Variants in GALC observed in about 807,000 individuals in gnomAD.
GALC encodes galactocerebrosidase.
Under a neutral mutation model 91.8 loss-of-function variants are expected in GALC, and 77 were observed. The ratio of observed to expected loss-of-function variants is 0.84; its 90% confidence interval spans 0.70 to 1.01. The LOEUF (loss-of-function observed/expected upper bound fraction) is 1.01, where lower values mean the gene tolerates loss of function less well. GALC is among the 50% of genes least tolerant of loss of function. The pLI, the probability that GALC is intolerant of heterozygous loss-of-function variation, is 0.00. For synonymous variants in GALC, 357 were observed against 306.7 expected (o/e 1.16, Z -1.71); for missense variants, 882 against 855.9 (o/e 1.03, Z -0.38).
chr14:87,972,858 A>C (rs1886352276), intron 7 of GALC, among the ~76,000 whole-genome samples: 1 of 152,122 alleles, frequency 6.6e-6, no homozygotes. Context: ...AAAGTAATGG[A>C]GTGGAATAAT....
intron 5 of GALC, among the ~76,000 whole-genome samples, chr14:87,983,115 G>A (rs113583666): frequency 0.1 from 15,510 of 151,998 alleles, 1,000 homozygotes; most frequent in Non-Finnish European, 0.15. Context: ...CGAGGCGGGC[G>A]GATCACGAGG....
chr14:87,992,805 C>T, intron 1 of GALC, 165 bp downstream of exon 1: 3 of 1,408,102 alleles, frequency 2.1e-6, no homozygotes, highest in Non-Finnish European at 2.8e-6. Context: ...CCGCCCCAGC[C>T]CCGCAGCGGG....
At chr14:87,977,645 A>G (rs1291774113) in intron 6 of GALC, among the ~76,000 whole-genome samples, 1 of 152,220 alleles carries the variant, frequency 6.6e-6, no homozygotes, top group Middle Eastern at 3.2e-3. Flanking sequence ...AATCTCTGGC[A>G]CATAGCAGCA....
chr14:87,984,703 TC>T (rs374632700), intron 4 of GALC, among the ~76,000 whole-genome samples, 170 bp from the exon 5 acceptor site: 9 of 152,336 alleles, frequency 5.9e-5, no homozygotes, highest in Admixed American at 2.0e-4. Flanking sequence ...TCCTTTCCAA[TC>T]TATAGACACT....
intron 8 of GALC, among the ~76,000 whole-genome samples, chr14:87,966,777 C>A (rs553019867): frequency 1.3e-5 from 2 of 152,054 alleles, no homozygotes; most frequent in Non-Finnish European, 2.9e-5. Context: ...AAGAATACAG[C>A]CTAAGAAAAT....
chr14:87,934,349 T>C lies in GALC; in HGVS notation c.*383A>G. 7.9e-7 allele frequency: 1 copy of C among 1,268,086 alleles called. No homozygotes were observed. Among genetic ancestry groups the C allele is most frequent in the Non-Finnish European group, 1.0e-6 (1 of 998,292 alleles). The allele number at this position is 1,268,086 out of a possible 1,614,324, so 78.6% of individuals were successfully genotyped here. ...CACTTGGACACACGGTCAGCATGCA[T>C]AAATACATCTCAGTGATGATCAAGT... On this transcript the variant is annotated 3_prime_UTR_variant, in exon 17 of 17. Coordinates refer to ENST00000261304, the MANE Select transcript of GALC (RefSeq NM_000153.4).
rs530360448 is a variant in GALC, at chr14:87,954,934, C to T, written c.1162-4186G>A. The T allele has an allele frequency of 6.6e-6, 10 of 1,516,086 alleles. No individual in the cohort carries two copies. In the South Asian group the frequency reaches 9.0e-5, roughly 14 times the overall value. 93.9% of individuals were successfully genotyped at this position (1,516,086 alleles called of 1,614,324 possible). On this transcript the variant is annotated intron_variant, in intron 10 of 16. Coordinates refer to ENST00000261304, the MANE Select transcript of GALC (RefSeq NM_000153.4). ...TGATGGAAGACATGATGTTTACATC[C>T]GTGTAGACTCAAAGCTGATAGAGAA... is the stretch of plus-strand genomic sequence containing the variant.
intron 12 of GALC, among the ~76,000 whole-genome samples, chr14:87,948,578 A>G (rs1187923057): frequency 2.0e-5 from 3 of 151,298 alleles, no homozygotes; most frequent in African/African-American, 7.3e-5. Context: ...CTCTGAAGAC[A>G]CTGGAATCCT....
In GALC at chr14:87,941,720, T is replaced by C. The variant is rs381069; in HGVS notation, c.1671-162A>G. On this transcript the variant is annotated intron_variant, in intron 14 of 16. Transcript: ENST00000261304. ...CAGAGATGGGCTTCAAGAATCTTTA[T>C]TGACAACAGTTTTAAATGTTACATG... Among the ~76,000 whole-genome samples, 69,251 of 151,824 alleles carry C rather than the reference T, an allele frequency of 0.46. 16,140 individuals carry two copies. The highest frequency in any genetic ancestry group is 0.48 in the African/African-American group (19,771 of 41,428).
At chr14:87,953,904 G>T in intron 10 of GALC, 1 of 1,610,236 alleles carries the variant, frequency 6.2e-7, no homozygotes, top group Non-Finnish European at 8.5e-7. Flanking sequence ...AGTGCCTTTA[G>T]CAACAGTTAC....
chr14:87,992,469 C>G, intron 1 of GALC: 1 of 1,532,276 alleles, frequency 6.5e-7, no homozygotes, highest in East Asian at 2.5e-5. Context: ...TTACCCTGCA[C>G]TAACAACTGC....
chr14:87,953,132 G>A, intron 10 of GALC: 1 of 1,486,534 alleles, frequency 6.7e-7, no homozygotes, highest in Non-Finnish European at 9.3e-7. Flanking sequence ...TATTTTCCTT[G>A]AACACAGTAG....
chr14:87,972,289 T>C (rs894712585), intron 7 of GALC, among the ~76,000 whole-genome samples: 2 of 152,148 alleles, frequency 1.3e-5, no homozygotes, highest in Non-Finnish European at 2.9e-5. Context: ...ACAGCTACTA[T>C]AGGATGCCAT....
intron 15 of GALC, among the ~76,000 whole-genome samples, 193 bp downstream of exon 15, chr14:87,941,202 T>A (rs1023332288): frequency 6.6e-6 from 1 of 151,856 alleles, no homozygotes; most frequent in Non-Finnish European, 1.5e-5. Context: ...TCCACAGAGC[T>A]GCCCCCATCT....
intron 1 of GALC, chr14:87,992,344 G>A (rs1242932573): frequency 1.3e-6 from 2 of 1,535,738 alleles, no homozygotes; most frequent in Non-Finnish European, 1.7e-6. Flanking sequence ...CCCAGAGGGA[G>A]TACCCGGTAG....
At chr14:87,960,630 T>C (rs1197815855) in intron 10 of GALC, among the ~76,000 whole-genome samples, 3 of 152,176 alleles carry the variant, frequency 2.0e-5, no homozygotes, top group Admixed American at 6.5e-5. Flanking sequence ...AGGACAGATA[T>C]ATAAGTCAAC....
chr14:87,958,191 T>C (rs1180770637), intron 10 of GALC, among the ~76,000 whole-genome samples: 1 of 152,066 alleles, frequency 6.6e-6, no homozygotes, highest in Non-Finnish European at 1.5e-5. Context: ...AATGTCCTAT[T>C]GAGTTCGCAG....
At position 87,977,433 on chromosome 14, in the gene GALC, G is replaced by A. The variant is rs72629379; in HGVS notation, c.622-945C>T. Among the ~76,000 whole-genome samples the A allele has an allele frequency of 8.2e-3, 1,245 of 152,152 alleles. 56 individuals are homozygous for A. The East Asian group carries it at 0.12, about 15-fold the overall frequency. On this transcript the variant is annotated intron_variant, in intron 6 of 16. Coordinates refer to ENST00000261304, the MANE Select transcript of GALC (RefSeq NM_000153.4). ...CCTTAGGTGGCAAACACACTCAACA[G>A]GACACCAAAACTAACAGGGCATACT... is the stretch of plus-strand genomic sequence containing the variant.
At chr14:87,939,756 AG>A in intron 16 of GALC, 148 bp downstream of exon 16, 1 of 698,976 alleles carries the variant, frequency 1.4e-6, no homozygotes, top group Non-Finnish European at 2.6e-6. Context: ...TAACTATCCT[AG>A]GGATGAGTGG....
Sources: gnomAD v4.1 joint callset for allele counts (sites outside exome capture counted in the v4.1 genomes callset) on GRCh38, gnomAD v4.1.1 for gene constraint, MANE v1.5 for transcripts, NCBI Gene and HGNC (gene_info 2026-07-23, HGNC 2026-07-21) for gene names.